ADAMTSL1: variants seen among roughly 807,000 people sequenced by gnomAD.
ADAMTSL1 encodes the protein ADAMTS like 1, also known as ADAMTS-like protein 1.
ADAMTSL1 carries 126 observed loss-of-function variants against 201.8 expected under a neutral mutation model. The observed-to-expected ratio is 0.62, with a 90% CI of 0.54 to 0.72. ADAMTSL1 has a LOEUF of 0.72. Ranked by LOEUF, ADAMTSL1 falls within the 30% of genes least tolerant of loss-of-function variation. ADAMTSL1 has a pLI of 0.00. For missense variants in ADAMTSL1, 2,679 were observed against 2,277.8 expected (o/e 1.18, Z -3.59); for synonymous variants, 1,121 against 903.4 (o/e 1.24, Z -4.32).
chr9:18,881,407 A>C (rs1828526168), intron 23 of ADAMTSL1, among the ~76,000 whole-genome samples: 1 of 152,226 alleles, frequency 6.6e-6, no homozygotes, highest in Non-Finnish European at 1.5e-5. Flanking sequence ...CCTAATTTTA[A>C]TATTGCTGCA....
chr9:18,741,581 G>T (rs754869794), intron 15 of ADAMTSL1, among the ~76,000 whole-genome samples: 6 of 152,174 alleles, frequency 3.9e-5, no homozygotes, highest in Non-Finnish European at 5.9e-5. Flanking sequence ...ATCTGCTGGG[G>T]CTTCCATAAC....
chr9:18,432,257 T>A (rs1330721947), intron 2 of ADAMTSL1, among the ~76,000 whole-genome samples: 1 of 152,178 alleles, frequency 6.6e-6, no homozygotes, highest in Non-Finnish European at 1.5e-5. Flanking sequence ...CTTTCACATA[T>A]CTCTTTATAT....
intron 1 of ADAMTSL1, among the ~76,000 whole-genome samples, chr9:18,104,102 A>G (rs1353534633): frequency 1.3e-5 from 2 of 152,224 alleles, no homozygotes. Flanking sequence ...GCTTAGGGGA[A>G]CTACTTGTTC....
At chr9:18,635,702 T>G (rs1040632810) in intron 5 of ADAMTSL1, among the ~76,000 whole-genome samples, 3 of 152,214 alleles carry the variant, frequency 2.0e-5, no homozygotes, top group African/African-American at 7.2e-5. Flanking sequence ...TTTCAGTATA[T>G]CAAAATTCCT....
chr9:18,425,853 T>A (rs1388659313), intron 2 of ADAMTSL1, among the ~76,000 whole-genome samples: 1 of 102,262 alleles, frequency 9.8e-6, no homozygotes. Context: ...AAGATCCCTG[T>A]CTCAAGAAAA....
At chr9:18,289,318 C>A (rs1001385798) in intron 2 of ADAMTSL1, among the ~76,000 whole-genome samples, 1 of 152,162 alleles carries the variant, frequency 6.6e-6, no homozygotes, top group Non-Finnish European at 1.5e-5. Context: ...TAGTTCCAGT[C>A]TGAGTTTGGA....
chr9:18,611,521 C>CA (rs1318358731), intron 4 of ADAMTSL1, among the ~76,000 whole-genome samples: 1 of 152,048 alleles, frequency 6.6e-6, no homozygotes, highest in Non-Finnish European at 1.5e-5. Flanking sequence ...ATGTGTTTAG[C>CA]AAAAAATTTA....
intron 6 of ADAMTSL1, among the ~76,000 whole-genome samples, chr9:18,636,546 T>G (rs988904489): frequency 2.0e-5 from 3 of 152,220 alleles, no homozygotes; most frequent in Non-Finnish European, 4.4e-5. Context: ...TTCAGGGACC[T>G]CATATCTTAA....
intron 13 of ADAMTSL1, among the ~76,000 whole-genome samples, chr9:18,699,789 T>C (rs1831814171): frequency 6.6e-6 from 1 of 152,224 alleles, no homozygotes; most frequent in Non-Finnish European, 1.5e-5. Context: ...ATTATATTTT[T>C]GATTATTCTC....
intron 1 of ADAMTSL1, among the ~76,000 whole-genome samples, chr9:17,995,832 A>T (rs1484675563): frequency 6.6e-6 from 1 of 151,566 alleles, no homozygotes; most frequent in African/African-American, 2.4e-5. Context: ...CTGGAAATAG[A>T]GGATCCAGGT....
intron 1 of ADAMTSL1, among the ~76,000 whole-genome samples, chr9:17,954,996 G>C (rs1411787412): frequency 6.6e-6 from 1 of 152,166 alleles, no homozygotes; most frequent in Non-Finnish European, 1.5e-5. Flanking sequence ...CAAGATAGGA[G>C]TTAAGTGCAA....
At chr9:18,750,760 G>A (rs1470008873) in intron 15 of ADAMTSL1, among the ~76,000 whole-genome samples, 3 of 152,196 alleles carry the variant, frequency 2.0e-5, no homozygotes, top group African/African-American at 7.2e-5. Flanking sequence ...TGGACAGGCA[G>A]TTCTGGCTTG....
chr9:18,332,606 A>G (rs1184538934), intron 2 of ADAMTSL1, among the ~76,000 whole-genome samples: 1 of 152,216 alleles, frequency 6.6e-6, no homozygotes, highest in Non-Finnish European at 1.5e-5. Context: ...GCATGCTACC[A>G]GACATGGCAA....
At chr9:18,179,357 C>T (rs1458921832) in intron 2 of ADAMTSL1, among the ~76,000 whole-genome samples, 1 of 152,098 alleles carries the variant, frequency 6.6e-6, no homozygotes, top group Non-Finnish European at 1.5e-5. Flanking sequence ...GCGAAGCCTC[C>T]AAGAAATATG....
intron 1 of ADAMTSL1, among the ~76,000 whole-genome samples, chr9:18,149,683 G>T (rs1053221358): frequency 3.5e-4 from 53 of 151,998 alleles, no homozygotes; most frequent in African/African-American, 1.3e-3. Flanking sequence ...CACATGTCAC[G>T]CCAGAGAGAT....
At chr9:18,114,681 AAAG>A (rs1392852949) in intron 1 of ADAMTSL1, among the ~76,000 whole-genome samples, 2 of 152,304 alleles carry the variant, frequency 1.3e-5, no homozygotes, top group African/African-American at 4.8e-5. Flanking sequence ...GAAAAAAACA[AAAG>A]AAGATTCATG....
intron 4 of ADAMTSL1, among the ~76,000 whole-genome samples, chr9:18,603,701 A>G (rs1824821018): frequency 6.6e-6 from 1 of 152,036 alleles, no homozygotes; most frequent in Non-Finnish European, 1.5e-5. Context: ...TTCTTTTTTT[A>G]TTATAGTAAA....
chr9:18,588,884 C>CATATATATATATATATATATATATATAT lies in ADAMTSL1; in HGVS notation c.474+14637_474+14638insTATATATATATATATATATATATATATA, dbSNP rs754566534. 3.5e-3 allele frequency among the ~76,000 whole-genome samples: 423 copies of CATATATATATATATATATATATATATAT among 122,558 alleles called. 8 individuals carry two copies. Among genetic ancestry groups the CATATATATATATATATATATATATATAT allele is most frequent in the Non-Finnish European group, 5.3e-3 (300 of 56,504 alleles). 80.4% of individuals were successfully genotyped at this position (122,558 alleles called of 152,430 possible). A position where few individuals can be genotyped will look rare whatever the true frequency, so the allele number is the denominator to read the frequency against. On this transcript the variant is annotated intron_variant, in intron 4 of 28. Transcript: ENST00000380548. The stretch of plus-strand genomic sequence containing the variant: ...GCTTTGTGCCATATATATACATATA[C>CATATATATATATATATATATATATATAT]ATATATATATATATATATACATATA...
chr9:18,056,156 C>CT (rs5896768), intron 1 of ADAMTSL1, among the ~76,000 whole-genome samples: 62,794 of 144,864 alleles, frequency 0.43, 13,622 homozygotes, highest in Non-Finnish European at 0.46. Context: ...TCAGCAAAAG[C>CT]TTTTTTTTTT....
Sources: gnomAD v4.1 joint callset for allele counts (sites outside exome capture counted in the v4.1 genomes callset) on GRCh38, gnomAD v4.1.1 for gene constraint, MANE v1.5 for transcripts, NCBI Gene and HGNC (gene_info 2026-07-23, HGNC 2026-07-21) for gene names.